The following FBXL13 variants were observed in gnomAD, a reference collection of about 807,000 sequenced individuals.
FBXL13 encodes the protein F-box and leucine rich repeat protein 13, also known as F-box and leucine-rich repeat protein 13.
Under a neutral mutation model 83.6 loss-of-function variants are expected in FBXL13, and 67 were observed. The ratio of observed to expected loss-of-function variants is 0.80; its 90% CI spans 0.66 to 0.98. FBXL13 has a LOEUF of 0.98. Ranked by LOEUF, FBXL13 falls within the 50% of genes least tolerant of loss-of-function variation. FBXL13 has a pLI of 0.00. For synonymous variants in FBXL13, 272 were observed against 299.5 expected, an observed-to-expected ratio of 0.91 and a Z score of 0.95; for missense variants, 822 against 866.5, an observed-to-expected ratio of 0.95 and a Z score of 0.64.
intron 6 of FBXL13, among the ~76,000 whole-genome samples, chr7:103,008,269 G>A (rs911402363): frequency 1.1e-4 from 16 of 152,158 alleles, no homozygotes; most frequent in Non-Finnish European, 1.5e-4. Flanking sequence ...TTCCAAACTG[G>A]AGGAGGCCAA....
intron 19 of FBXL13, among the ~76,000 whole-genome samples, chr7:102,814,178 A>G (rs966117683): frequency 6.6e-6 from 1 of 152,210 alleles, no homozygotes; most frequent in African/African-American, 2.4e-5. Flanking sequence ...TTTTGAGGAC[A>G]GAAGGAAGAA....
intron 8 of FBXL13, among the ~76,000 whole-genome samples, chr7:102,940,270 T>C (rs900935196): frequency 2.7e-5 from 4 of 150,144 alleles, no homozygotes; most frequent in African/African-American, 9.8e-5. Context: ...AGTGCAATGG[T>C]GCAATCTCGG....
chr7:103,067,113 T>C (rs1051636467), intron 1 of FBXL13, among the ~76,000 whole-genome samples: 4 of 152,022 alleles, frequency 2.6e-5, no homozygotes, highest in African/African-American at 9.7e-5. Context: ...CTGAAAATAC[T>C]AGGAAATGTA....
intron 18 of FBXL13, among the ~76,000 whole-genome samples, chr7:102,829,060 A>G (rs73406252): frequency 6.6e-6 from 1 of 152,214 alleles, no homozygotes; most frequent in Non-Finnish European, 1.5e-5. Context: ...TAGAAACAGG[A>G]CATCTTTCCG....
chr7:102,887,347 T>C (rs571352843), intron 11 of FBXL13, among the ~76,000 whole-genome samples: 173 of 152,108 alleles, frequency 1.1e-3, no homozygotes, highest in Non-Finnish European at 2.0e-3. Context: ...ACAAAGTATA[T>C]CAGTCAGGGT....
At position 103,049,330 on chromosome 7, in the gene FBXL13, G is replaced by A. The variant is rs117124594; in HGVS notation, c.-1+6314C>T. Among the ~76,000 whole-genome samples, 1,108 of 152,232 alleles carry A rather than the reference G, an allele frequency of 7.3e-3. 10 individuals carry two copies. The highest frequency in any genetic ancestry group is 0.011 in the Non-Finnish European group (718 of 68,006). ...CCTAATATCTGACCTGCATAATTTA[G>A]ACTAAATGTCTTTATTTTATCAATA... On this transcript the variant is annotated intron_variant, in intron 2 of 19. Transcript: ENST00000313221.
chr7:102,934,443 T>C (rs34957071), intron 8 of FBXL13: 15 of 1,614,096 alleles, frequency 9.3e-6, no homozygotes, highest in African/African-American at 1.3e-5. Context: ...CTTATTTCAA[T>C]GTTGCAGATT....
intron 1 of FBXL13, among the ~76,000 whole-genome samples, chr7:103,061,628 C>T (rs1409790032): frequency 6.6e-6 from 1 of 151,988 alleles, no homozygotes; most frequent in Non-Finnish European, 1.5e-5. Context: ...CAAATACGTG[C>T]AGCAATTAGT....
At chr7:102,859,257 TA>T (rs1166992884) in intron 16 of FBXL13, among the ~76,000 whole-genome samples, 2 of 152,146 alleles carry the variant, frequency 1.3e-5, no homozygotes, top group Non-Finnish European at 2.9e-5. Context: ...CACATCTTTG[TA>T]ACTGAGCAGC....
intron 17 of FBXL13, among the ~76,000 whole-genome samples, chr7:102,838,302 G>C (rs1429315563): frequency 6.6e-6 from 1 of 152,136 alleles, no homozygotes; most frequent in Non-Finnish European, 1.5e-5. Context: ...TTGTTGGGGA[G>C]ATTAAATGAG....
intron 6 of FBXL13, among the ~76,000 whole-genome samples, chr7:102,980,848 G>A (rs1264514064): frequency 3.3e-5 from 5 of 151,792 alleles, no homozygotes; most frequent in Non-Finnish European, 4.4e-5. Context: ...ATGACCCTGC[G>A]TTTAACAAAG....
intron 14 of FBXL13, among the ~76,000 whole-genome samples, chr7:102,879,221 C>T (rs955591641): frequency 2.6e-5 from 4 of 152,130 alleles, no homozygotes; most frequent in African/African-American, 4.8e-5. Context: ...TACAGGTGGG[C>T]GTACAGATGG....
At chr7:102,978,980 A>G (rs1160827757) in intron 6 of FBXL13, among the ~76,000 whole-genome samples, 1 of 152,198 alleles carries the variant, frequency 6.6e-6, no homozygotes, top group African/African-American at 2.4e-5. Context: ...TGCTCCTGTA[A>G]AAAGCACTAG....
intron 17 of FBXL13, among the ~76,000 whole-genome samples, chr7:102,835,500 G>GT (rs1801721966): frequency 6.6e-6 from 1 of 151,362 alleles, no homozygotes; most frequent in African/African-American, 2.4e-5. Context: ...TAAGTGCTCA[G>GT]TACATACTAG....
At chr7:102,922,700 T>C (rs956044999) in intron 10 of FBXL13, among the ~76,000 whole-genome samples, 3 of 151,990 alleles carry the variant, frequency 2.0e-5, no homozygotes, top group East Asian at 1.9e-4. Flanking sequence ...TGACTGGGCG[T>C]GGTGGCTCAC....
intron 11 of FBXL13, among the ~76,000 whole-genome samples, chr7:102,905,872 TAAAC>T (rs1189555797): frequency 5.9e-5 from 9 of 152,178 alleles, no homozygotes; most frequent in Non-Finnish European, 1.0e-4. Context: ...ACTGTTTGCA[TAAAC>T]AAACAAATAA....
intron 1 of FBXL13, among the ~76,000 whole-genome samples, chr7:103,070,078 CAAAAAAA>C (rs76010935): frequency 3.0e-5 from 2 of 67,316 alleles, no homozygotes; most frequent in East Asian, 3.9e-4. Context: ...GACTCTGTCT[CAAAAAAA>C]AAAAAAAAAA....
At chr7:102,906,248 T>C (rs989162117) in intron 11 of FBXL13, among the ~76,000 whole-genome samples, 1 of 152,214 alleles carries the variant, frequency 6.6e-6, no homozygotes, top group African/African-American at 2.4e-5. Context: ...TCACTATGCT[T>C]TAACTTTGTC....
intron 19 of FBXL13, among the ~76,000 whole-genome samples, chr7:102,814,058 C>A (rs1273504052): frequency 2.6e-5 from 4 of 151,994 alleles, no homozygotes; most frequent in Non-Finnish European, 2.9e-5. Flanking sequence ...AAAGGTGTCA[C>A]AACACTATAA....
Sources: allele counts gnomAD v4.1 joint callset (sites outside exome capture counted in the v4.1 genomes callset), GRCh38; gene constraint gnomAD v4.1.1; transcripts MANE v1.5; gene names NCBI Gene and HGNC (gene_info 2026-07-23, HGNC 2026-07-21).